SFXN5: variants seen among roughly 807,000 people sequenced by gnomAD.
SFXN5 encodes the protein sideroflexin-5.
SFXN5 carries 43 observed loss-of-function variants against 50.2 expected under a neutral mutation model. That is an observed-to-expected ratio of 0.86 (90% CI 0.67 to 1.11). The LOEUF (loss-of-function observed/expected upper bound fraction) is 1.11. SFXN5 is among the 50% of genes least tolerant of loss of function. The probability of loss-of-function intolerance (pLI) is 0.00; values close to 1 mark genes in which losing one functional copy is unlikely to be tolerated. For missense variants in SFXN5, 463 were observed against 454.1 expected, an observed-to-expected ratio of 1.02 and a Z score of -0.18; for synonymous variants, 203 against 185.8, an observed-to-expected ratio of 1.09 and a Z score of -0.75.
At chr2:72,947,090 G>A (rs979184792) in intron 13 of SFXN5, among the ~76,000 whole-genome samples, 3 of 152,058 alleles carry the variant, frequency 2.0e-5, no homozygotes, top group Non-Finnish European at 4.4e-5. Context: ...CCTCCCCTAC[G>A]CTGGGCGTGG....
chr2:72,988,391 C>T, intron 9 of SFXN5, 43 bp from the exon 10 acceptor site: 1 of 1,557,736 alleles, frequency 6.4e-7, no homozygotes. Flanking sequence ...GTACATGATG[C>T]TGCAGTGGCT....
At chr2:73,050,750 T>C (rs574091168) in intron 2 of SFXN5, among the ~76,000 whole-genome samples, 2 of 152,288 alleles carry the variant, frequency 1.3e-5, no homozygotes, top group South Asian at 2.1e-4. Flanking sequence ...GCCATACTAA[T>C]CTCCTTATCA....
chr2:73,000,017 C>G (rs544819573), intron 8 of SFXN5, among the ~76,000 whole-genome samples: 1 of 152,130 alleles, frequency 6.6e-6, no homozygotes, highest in Non-Finnish European at 1.5e-5. Flanking sequence ...GCAGTCGGGA[C>G]CTGGGAGCGC....
At chr2:73,010,957 C>G (rs887887331) in intron 6 of SFXN5, among the ~76,000 whole-genome samples, 2 of 151,668 alleles carry the variant, frequency 1.3e-5, no homozygotes, top group Non-Finnish European at 2.9e-5. Context: ...GCATTCAAGG[C>G]AAAAAGTAAG....
At chr2:73,041,567 G>A (rs994235118) in intron 2 of SFXN5, 26 of 367,856 alleles carry the variant, frequency 7.1e-5, no homozygotes, top group Non-Finnish European at 1.3e-4. Context: ...GTGCATGCCT[G>A]TAATCCCAGC....
chr2:72,971,639 C>T lies in SFXN5; in HGVS notation c.672G>A (p.Leu224=), dbSNP rs1670002248. 1.2e-6 allele frequency: 2 copies of T among 1,614,080 alleles called. No homozygotes were observed. Among genetic ancestry groups the T allele is most frequent in the East Asian group, 2.2e-5 (1 of 44,872 alleles). ...TGTCCAGGACATCAATCCCTTCCTC[C>T]AGCTCCCCGTACCGCATCAGGACCA... ...CNVVLMRYGE[L]EEGIDVLDSD... Residue 224 remains leucine, a synonymous_variant, in exon 11 of 14, where the codon CTG becomes CTA. Transcript: ENST00000272433.
At chr2:72,955,099 C>T (rs928467537) in intron 13 of SFXN5, among the ~76,000 whole-genome samples, 2 of 152,174 alleles carry the variant, frequency 1.3e-5, no homozygotes, top group South Asian at 2.1e-4. Flanking sequence ...TTCGAGCTCC[C>T]GGCTGCCCCC....
intron 3 of SFXN5, among the ~76,000 whole-genome samples, chr2:73,035,619 C>A (rs1678874947): frequency 6.6e-6 from 1 of 151,644 alleles, no homozygotes; most frequent in African/African-American, 2.4e-5. Context: ...CCTGTCTCAG[C>A]CTCCTGAGTA....
chr2:73,050,385 A>AGCGCGCGC (rs796461818), intron 2 of SFXN5, among the ~76,000 whole-genome samples: 3 of 66,386 alleles, frequency 4.5e-5, no homozygotes, highest in African/African-American at 1.9e-4. Context: ...CCGCAGCCAC[A>AGCGCGCGC]GCGCACGCAC....
intron 3 of SFXN5, among the ~76,000 whole-genome samples, chr2:73,023,984 T>C (rs1032201170): frequency 7.9e-5 from 12 of 152,162 alleles, no homozygotes; most frequent in Non-Finnish European, 1.8e-4. Flanking sequence ...TCCTAAGATA[T>C]ACTATCATGT....
At chr2:72,983,436 C>T (rs765184955) in intron 10 of SFXN5, among the ~76,000 whole-genome samples, 4 of 152,214 alleles carry the variant, frequency 2.6e-5, no homozygotes, top group Admixed American at 1.3e-4. Context: ...CTGGCATTTC[C>T]GGTGCCTGCA....
At chr2:73,010,940 A>T (rs753816417) in intron 6 of SFXN5, among the ~76,000 whole-genome samples, 8 of 152,268 alleles carry the variant, frequency 5.3e-5, no homozygotes, top group Non-Finnish European at 1.2e-4. Flanking sequence ...GAAAATAAAT[A>T]AACTAAGCAT....
At chr2:73,006,712 T>C (rs1025036863) in intron 6 of SFXN5, among the ~76,000 whole-genome samples, 1 of 152,218 alleles carries the variant, frequency 6.6e-6, no homozygotes, top group Non-Finnish European at 1.5e-5. Flanking sequence ...AGCTAGCTAA[T>C]ACACAGCTTA....
intron 2 of SFXN5, among the ~76,000 whole-genome samples, chr2:73,052,274 T>C (rs922448146): frequency 6.6e-6 from 1 of 152,022 alleles, no homozygotes; most frequent in African/African-American, 2.4e-5. Flanking sequence ...ATAGTTACTG[T>C]GGTGTCAAAA....
intron 9 of SFXN5, among the ~76,000 whole-genome samples, chr2:72,996,120 GGGGACA>G (rs1309275200): frequency 1.3e-5 from 2 of 152,208 alleles, no homozygotes; most frequent in Non-Finnish European, 2.9e-5. Flanking sequence ...AGAACACTAA[GGGGACA>G]GGGACACAGT....
intron 13 of SFXN5, among the ~76,000 whole-genome samples, chr2:72,956,056 T>C (rs951731317): frequency 6.6e-6 from 1 of 152,200 alleles, no homozygotes; most frequent in Admixed American, 6.5e-5. Flanking sequence ...GTGGCCATCC[T>C]GGTAACAAGA....
chr2:72,974,764 C>T (rs1368743035), intron 10 of SFXN5, among the ~76,000 whole-genome samples: 1 of 151,880 alleles, frequency 6.6e-6, no homozygotes, highest in African/African-American at 2.4e-5. Context: ...CCTTTTCAAA[C>T]TGTCCCTGAT....
intron 9 of SFXN5, 33 bp downstream of exon 9, chr2:72,998,916 G>C (rs775091886): frequency 1.2e-6 from 2 of 1,611,496 alleles, no homozygotes; most frequent in Non-Finnish European, 8.5e-7. Context: ...CAGAGCAGCA[G>C]AGCCAAGAAG....
chr2:73,022,616 G>C, intron 4 of SFXN5, 40 bp from the exon 5 acceptor site: 1 of 586,842 alleles, frequency 1.7e-6, no homozygotes, highest in Admixed American at 2.2e-5. Context: ...GGGGACGGGG[G>C]TGTAGGGAGG....
Sources: allele counts gnomAD v4.1 joint callset (sites outside exome capture counted in the v4.1 genomes callset), GRCh38; gene constraint gnomAD v4.1.1; transcripts MANE v1.5; gene names NCBI Gene and HGNC (gene_info 2026-07-23, HGNC 2026-07-21).